CCDC158: variants seen among roughly 807,000 people sequenced by gnomAD.
The protein encoded by CCDC158 is coiled-coil domain containing 158.
In CCDC158, 116 loss-of-function variants were observed where a neutral mutation model predicts 138.6. That is an observed-to-expected ratio of 0.84 (90% CI 0.72 to 0.98). CCDC158 has a LOEUF of 0.98. Among genes scored for constraint, CCDC158 ranks in the 50% least tolerant of loss-of-function variants. The pLI is 0.00. For missense variants in CCDC158, 1,265 were observed against 1,306.1 expected, an observed-to-expected ratio of 0.97 and a Z score of 0.48; for synonymous variants, 436 against 442.4, an observed-to-expected ratio of 0.99 and a Z score of 0.18.
At chr4:76,417,280 T>C (rs1358358128) in intron 1 of CCDC158, among the ~76,000 whole-genome samples, 1 of 152,246 alleles carries the variant, frequency 6.6e-6, no homozygotes, top group Non-Finnish European at 1.5e-5. Context: ...ACCCTCATTG[T>C]ATCTAGGAAG....
chr4:76,365,255 C>T (rs1036537832), intron 12 of CCDC158, among the ~76,000 whole-genome samples: 1 of 152,160 alleles, frequency 6.6e-6, no homozygotes, highest in Non-Finnish European at 1.5e-5. Context: ...AGGAGAGAAA[C>T]CATACCTTCT....
intron 20 of CCDC158, 109 bp downstream of exon 20, chr4:76,332,323 C>T: frequency 2.5e-6 from 2 of 802,584 alleles, no homozygotes; most frequent in Admixed American, 2.5e-5. Flanking sequence ...ACCCAATATG[C>T]CCATTAAGTG....
rs1308171198 is a variant in CCDC158 at position 76,323,297 on chromosome 4, T to A, written c.3277+5A>T. 6.2e-7 allele frequency: 1 copy of A among 1,601,558 alleles called. No homozygotes were observed. The highest frequency in any genetic ancestry group is 2.2e-5 in the East Asian group (1 of 44,798). ...GGAAGATCTCTCCAAAAACGTACAC[T>A]GTACCTTGGTTCTTCAGCTGTAAAT... On this transcript the variant is annotated splice_donor_5th_base_variant and intron_variant, in intron 24 of 24. Coordinates refer to ENST00000682701, the MANE Select transcript of CCDC158 (RefSeq NM_001394954.1).
chr4:76,374,965 T>C (rs1328452202), intron 9 of CCDC158, among the ~76,000 whole-genome samples: 3 of 152,334 alleles, frequency 2.0e-5, no homozygotes, highest in South Asian at 2.1e-4. Flanking sequence ...ATTTGTTTTG[T>C]AGTTGTCAGT....
At chr4:76,373,163 T>C (rs9654170) in intron 9 of CCDC158, among the ~76,000 whole-genome samples, 4,479 of 152,332 alleles carry the variant, frequency 0.029, 219 homozygotes, top group African/African-American at 0.1. Context: ...TAGTTCTTTA[T>C]GTCTAGGTTC....
chr4:76,379,655 T>C (rs1296855373), intron 8 of CCDC158, among the ~76,000 whole-genome samples: 1 of 151,974 alleles, frequency 6.6e-6, no homozygotes, highest in Non-Finnish European at 1.5e-5. Flanking sequence ...TGATAGAAAA[T>C]GTCCATATAA....
intron 9 of CCDC158, among the ~76,000 whole-genome samples, chr4:76,374,806 TAA>T (rs879859439): frequency 1.4e-5 from 2 of 144,046 alleles, no homozygotes; most frequent in Non-Finnish European, 1.5e-5. Flanking sequence ...TGCTTTCACT[TAA>T]AAAAAAAAAA....
rs373835431 is a variant in CCDC158 at position 76,373,978 on chromosome 4, A to AC, written c.1030-2443dup. ...AGACCAGCCTGGGCAGCATAGTGAG[A>AC]CCCCATCTCTACAAAAATAAAAATA... On this transcript the variant is annotated intron_variant, in intron 9 of 24. Coordinates refer to ENST00000682701, the MANE Select transcript of CCDC158 (RefSeq NM_001394954.1). 8.1e-4 allele frequency among the ~76,000 whole-genome samples: 123 copies of AC among 152,046 alleles called. 1 individual carries two copies. Among genetic ancestry groups the AC allele is most frequent in the African/African-American group, 2.9e-3 (122 of 41,462 alleles).
chr4:76,351,653 G>A (rs1280154669), intron 17 of CCDC158, 67 bp downstream of exon 17: 2 of 934,544 alleles, frequency 2.1e-6, no homozygotes, highest in Non-Finnish European at 3.5e-6. Context: ...AGGTACACAA[G>A]AAAATATAAA....
intron 18 of CCDC158, among the ~76,000 whole-genome samples, chr4:76,338,058 A>G (rs1321591007): frequency 1.3e-5 from 2 of 152,178 alleles, no homozygotes; most frequent in African/African-American, 4.8e-5. Flanking sequence ...CTGTCAGATC[A>G]GGGGTGGCAT....
intron 4 of CCDC158, among the ~76,000 whole-genome samples, chr4:76,385,706 A>G (rs1441783473): frequency 1.3e-5 from 2 of 152,198 alleles, no homozygotes; most frequent in African/African-American, 4.8e-5. Flanking sequence ...AAACGGCCAA[A>G]GAAAAAAACG....
At position 76,405,242 on chromosome 4, in the gene CCDC158, C is replaced by T. The variant is rs72862990; in HGVS notation, c.-73-1962G>A. ...ACAGTAAGGCAAGAGTGTAGTAGTACTTTCAAGAAGGGAAAGAAAGGACAA... is the reference window on the plus strand; with the variant it reads ...ACAGTAAGGCAAGAGTGTAGTAGTATTTTCAAGAAGGGAAAGAAAGGACAA... On this transcript the variant is annotated intron_variant, in intron 2 of 24. Coordinates refer to ENST00000682701, the MANE Select transcript of CCDC158 (RefSeq NM_001394954.1). Among the ~76,000 whole-genome samples the T allele has an allele frequency of 2.7e-3, 418 of 152,276 alleles. 5 individuals are homozygous for T. Among genetic ancestry groups the T allele is most frequent in the African/African-American group, 9.8e-3 (406 of 41,554 alleles).
intron 24 of CCDC158, among the ~76,000 whole-genome samples, chr4:76,323,033 CAG>C (rs1173379079): frequency 1.3e-5 from 2 of 152,166 alleles, no homozygotes; most frequent in African/African-American, 4.8e-5. Context: ...ACAAGCCACT[CAG>C]AACCTCAAAA....
At chr4:76,344,440 A>G (rs1323710149) in intron 18 of CCDC158, 6 of 632,490 alleles carry the variant, frequency 9.5e-6, no homozygotes, top group East Asian at 2.7e-5. Context: ...TTGTAAGTGA[A>G]GTTTGGACCA....
At chr4:76,387,942 G>A (rs1726970221) in intron 4 of CCDC158, among the ~76,000 whole-genome samples, 1 of 152,100 alleles carries the variant, frequency 6.6e-6, no homozygotes, top group Admixed American at 6.5e-5. Flanking sequence ...GAACCCGGGA[G>A]GGAGAGGTTG....
Position 76,396,505 on chromosome 4 carries a change from A to G in CCDC158, c.71-19T>C. On this transcript the variant is annotated intron_variant, in intron 3 of 24. Coordinates refer to ENST00000682701, the MANE Select transcript of CCDC158 (RefSeq NM_001394954.1). ...GAAGAACCTAAATATTAAAGAATTC[A>G]TTAATTAACTTTTCGTTTTTTTTGA... is the stretch of plus-strand genomic sequence containing the variant. 1 of 1,564,764 alleles carries G rather than the reference A, an allele frequency of 6.4e-7. No individual in the cohort carries two copies. Among genetic ancestry groups the G allele is most frequent in the East Asian group, 2.2e-5 (1 of 44,564 alleles).
chr4:76,345,701 T>A, intron 18 of CCDC158: 1 of 614,690 alleles, frequency 1.6e-6, no homozygotes. Context: ...TTTAAAATTA[T>A]GTGAATAAAT....
intron 4 of CCDC158, among the ~76,000 whole-genome samples, chr4:76,393,213 C>G (rs995288289): frequency 6.6e-6 from 1 of 152,006 alleles, no homozygotes; most frequent in African/African-American, 2.4e-5. Context: ...GGGGGAATCA[C>G]ATTACCTGAC....
intron 24 of CCDC158, among the ~76,000 whole-genome samples, chr4:76,313,993 T>A (rs1719134967): frequency 6.6e-6 from 1 of 151,300 alleles, no homozygotes; most frequent in Non-Finnish European, 1.5e-5. Flanking sequence ...CATCCTTTTT[T>A]CTTTCTTTCT....
Sources: gnomAD v4.1 joint callset for allele counts (sites outside exome capture counted in the v4.1 genomes callset) on GRCh38, gnomAD v4.1.1 for gene constraint, MANE v1.5 for transcripts, NCBI Gene and HGNC (gene_info 2026-07-23, HGNC 2026-07-21) for gene names.